Variants in DAB1 observed in about 807,000 individuals in gnomAD.
The protein encoded by DAB1 is DAB adaptor protein 1.
In DAB1, 15 loss-of-function variants were observed where a neutral mutation model predicts 64.6. That is an observed-to-expected ratio of 0.23 (90% CI 0.16 to 0.36). DAB1 has a LOEUF of 0.36. DAB1 is among the 10% of genes least tolerant of loss of function. DAB1 has a pLI of 1.00. For synonymous variants in DAB1, 235 were observed against 251.9 expected (o/e 0.93, Z 0.64); for missense variants, 596 against 706.7 (o/e 0.84, Z 1.78).
chr1:58,155,233 A>C (rs1472264926), intron 4 of DAB1, among the ~76,000 whole-genome samples: 1 of 152,158 alleles, frequency 6.6e-6, no homozygotes, highest in African/African-American at 2.4e-5. Context: ...CAAAGTGAAG[A>C]AGTATGTCTA....
chr1:57,087,553 G>T (rs1330348404), intron 4 of DAB1, among the ~76,000 whole-genome samples: 3 of 152,142 alleles, frequency 2.0e-5, no homozygotes, highest in Non-Finnish European at 4.4e-5. Flanking sequence ...TCATCTGTAG[G>T]GCCCTTCCAT....
At chr1:57,641,789 A>T (rs1524709) in intron 7 of DAB1, among the ~76,000 whole-genome samples, 2 of 151,942 alleles carry the variant, frequency 1.3e-5, no homozygotes, top group Non-Finnish European at 2.9e-5. Context: ...TTTCCTTTGC[A>T]GTCTCATTAT....
intron 4 of DAB1, among the ~76,000 whole-genome samples, chr1:58,222,830 TGTACATA>T (rs1359347562): frequency 6.6e-6 from 1 of 152,238 alleles, no homozygotes; most frequent in Non-Finnish European, 1.5e-5. Context: ...CTAAGCATAT[TGTACATA>T]GTACAGTGTA....
At chr1:57,444,776 C>T (rs541485381) in intron 7 of DAB1, among the ~76,000 whole-genome samples, 19 of 152,286 alleles carry the variant, frequency 1.2e-4, no homozygotes, top group African/African-American at 3.9e-4. Flanking sequence ...TCCCGTAGAG[C>T]TTTCAGAAGG....
chr1:57,864,533 G>T (rs1654206310), intron 1 of DAB1: 1 of 149,708 alleles, frequency 6.7e-6, no homozygotes, highest in Non-Finnish European at 1.5e-5. Flanking sequence ...CTGAGCTTAT[G>T]CGCATCCAGT....
intron 4 of DAB1, among the ~76,000 whole-genome samples, chr1:58,200,856 G>T (rs1657958203): frequency 6.6e-6 from 1 of 152,154 alleles, no homozygotes; most frequent in Admixed American, 6.5e-5. Flanking sequence ...AAACTAACTA[G>T]TATTTAGCCC....
chr1:57,282,510 G>A (rs1191289869), intron 2 of DAB1, among the ~76,000 whole-genome samples: 1 of 152,116 alleles, frequency 6.6e-6, no homozygotes, highest in Admixed American at 6.6e-5. Context: ...TCTAGCAAGG[G>A]AACCAGTTAG....
intron 6 of DAB1, among the ~76,000 whole-genome samples, chr1:57,702,098 G>T (rs1646915092): frequency 6.6e-6 from 1 of 152,094 alleles, no homozygotes; most frequent in Admixed American, 6.6e-5. Context: ...TGATGGATTA[G>T]TTATTTATTC....
At chr1:57,404,070 A>G (rs1057207016) in intron 1 of DAB1, among the ~76,000 whole-genome samples, 8 of 152,212 alleles carry the variant, frequency 5.3e-5, no homozygotes, top group Admixed American at 3.9e-4. Context: ...ATATTCATCC[A>G]AGTGTTAAGA....
In DAB1 at chr1:57,423,249, C is replaced by T. The variant is rs191546802; in HGVS notation, c.-137+681G>A. Among the ~76,000 whole-genome samples the T allele has an allele frequency of 5.5e-4, 45 of 81,432 alleles. No individual in the cohort carries two copies. The East Asian group carries it at 0.013, about 23-fold the overall frequency. 53.4% of individuals were successfully genotyped at this position (81,432 alleles called of 152,430 possible). On this transcript the variant is annotated intron_variant, in intron 1 of 14. Transcript: ENST00000371236. ...CGGGCTGGGGAGGCGACTAGCTGGGCGTGGGGGGAGGGGGTGCTGGGGAGT... is the reference window on the plus strand; with the variant it reads ...CGGGCTGGGGAGGCGACTAGCTGGGTGTGGGGGGAGGGGGTGCTGGGGAGT...
chr1:57,929,225 G>T (rs1644921810), intron 5 of DAB1, among the ~76,000 whole-genome samples: 1 of 152,124 alleles, frequency 6.6e-6, no homozygotes, highest in Admixed American at 6.5e-5. Context: ...TTTACCATTT[G>T]TGTATCTTCT....
chr1:57,355,179 C>G (rs1678974184), intron 1 of DAB1, among the ~76,000 whole-genome samples: 1 of 151,988 alleles, frequency 6.6e-6, no homozygotes, highest in Non-Finnish European at 1.5e-5. Flanking sequence ...TCTTCCTTCT[C>G]TTTTTTCCTT....
intron 7 of DAB1, among the ~76,000 whole-genome samples, chr1:57,628,445 G>C (rs1645949263): frequency 6.6e-6 from 1 of 152,152 alleles, no homozygotes; most frequent in African/African-American, 2.4e-5. Flanking sequence ...CCTTAAGTCA[G>C]CCATTCACCC....
intron 5 of DAB1, chr1:58,048,596 T>C: frequency 4.8e-6 from 5 of 1,031,262 alleles, no homozygotes; most frequent in South Asian, 3.8e-5. Context: ...TCCACTGACA[T>C]CACAGCTGCC....
intron 2 of DAB1, among the ~76,000 whole-genome samples, chr1:57,262,243 C>T (rs901198465): frequency 1.2e-4 from 18 of 152,212 alleles, no homozygotes; most frequent in African/African-American, 4.8e-5. Context: ...AATGACTTCC[C>T]CAAGGTCACA....
At chr1:57,315,534 GCT>G (rs1304192193) in intron 1 of DAB1, among the ~76,000 whole-genome samples, 2 of 152,066 alleles carry the variant, frequency 1.3e-5, no homozygotes, top group African/African-American at 4.8e-5. Flanking sequence ...ACGGAGTCTC[GCT>G]CTGTCACCCA....
intron 4 of DAB1, among the ~76,000 whole-genome samples, chr1:57,118,357 A>G (rs1656330676): frequency 6.6e-6 from 1 of 152,226 alleles, no homozygotes; most frequent in Non-Finnish European, 1.5e-5. Flanking sequence ...CACATAATTC[A>G]TGTTTGGACA....
At chr1:57,328,050 T>C (rs1676326117) in intron 1 of DAB1, among the ~76,000 whole-genome samples, 1 of 152,114 alleles carries the variant, frequency 6.6e-6, no homozygotes, top group Admixed American at 6.5e-5. Flanking sequence ...GGTTTAAAAA[T>C]ACACTCCCTT....
intron 1 of DAB1, among the ~76,000 whole-genome samples, chr1:58,543,164 C>G (rs1646648231): frequency 6.6e-6 from 1 of 152,082 alleles, no homozygotes; most frequent in South Asian, 2.1e-4. Context: ...ACTTTATCCC[C>G]AAAATAATGC....
Sources: allele counts gnomAD v4.1 joint callset (sites outside exome capture counted in the v4.1 genomes callset), GRCh38; gene constraint gnomAD v4.1.1; transcripts MANE v1.5; gene names NCBI Gene and HGNC (gene_info 2026-07-23, HGNC 2026-07-21).